HYDIN: variants seen among roughly 807,000 people sequenced by gnomAD.
The protein encoded by HYDIN is HYDIN axonemal central pair apparatus protein.
Under a neutral mutation model 403.9 loss-of-function variants are expected in HYDIN, and 132 were observed. The observed-to-expected ratio is 0.33, with a 90% CI of 0.28 to 0.38. HYDIN has a LOEUF of 0.38. Ranked by LOEUF, HYDIN falls within the 10% of genes least tolerant of loss-of-function variation. The probability of loss-of-function intolerance (pLI) is 1.00; values close to 1 mark genes in which losing one functional copy is unlikely to be tolerated. For missense variants in HYDIN, 2,827 were observed against 5,009.5 expected, an observed-to-expected ratio of 0.56 and a Z score of 13.15; for synonymous variants, 1,202 against 1,891.7, an observed-to-expected ratio of 0.64 and a Z score of 9.46.
intron 3 of HYDIN, 74 bp from the exon 4 acceptor site, chr16:71,179,121 AC>A: frequency 1.1e-5 from 13 of 1,155,168 alleles, no homozygotes; most frequent in Non-Finnish European, 1.6e-5. Context: ...AGAAAATACT[AC>A]GTAGACCTGT....
chr16:71,161,212 G>A (rs1194463855), intron 6 of HYDIN, among the ~76,000 whole-genome samples: 1 of 150,140 alleles, frequency 6.7e-6, no homozygotes, highest in African/African-American at 2.5e-5. Context: ...TCTCTTACAC[G>A]CACAGTTCAC....
intron 84 of HYDIN, among the ~76,000 whole-genome samples, chr16:70,810,558 G>A (rs1324711869): frequency 6.6e-6 from 1 of 152,216 alleles, no homozygotes; most frequent in Non-Finnish European, 1.5e-5. Flanking sequence ...GGGGCCTGGT[G>A]CGGTGGCTCA....
intron 30 of HYDIN, among the ~76,000 whole-genome samples, chr16:70,975,965 AC>A (rs1413286488): frequency 2.9e-5 from 4 of 137,846 alleles, no homozygotes; most frequent in Admixed American, 7.7e-5. Flanking sequence ...GGACCTGGGA[AC>A]CATCTCTTTG....
At position 71,169,986 on chromosome 16, in the gene HYDIN, C is replaced by T. The variant is rs1043580894; in HGVS notation, c.516+5621G>A. The stretch of plus-strand genomic sequence containing the variant: ...ATAATTATTTTTTTAAATTGTGGTT[C>T]TCTTACCAATGAGGAAAGAGAAAAT... On this transcript the variant is annotated intron_variant, in intron 5 of 85. Transcript: ENST00000393567. Among the ~76,000 whole-genome samples the T allele has an allele frequency of 1.1e-4, 17 of 152,200 alleles. No homozygotes were observed. In the South Asian group the frequency reaches 2.5e-3, roughly 22 times the overall value.
At chr16:71,188,833 G>A (rs538055955) in intron 1 of HYDIN, among the ~76,000 whole-genome samples, 18 of 152,090 alleles carry the variant, frequency 1.2e-4, no homozygotes, top group Middle Eastern at 3.4e-3. Context: ...CAAATAGAAT[G>A]GTGACAAAAA....
intron 23 of HYDIN, among the ~76,000 whole-genome samples, chr16:71,012,913 G>T (rs1445605590): frequency 1.4e-5 from 2 of 146,312 alleles, no homozygotes; most frequent in African/African-American, 2.5e-5. Context: ...TTTGGCGGGT[G>T]CCAGGAAGCT....
chr16:71,098,261 G>A (rs1170085767), intron 10 of HYDIN, among the ~76,000 whole-genome samples: 1 of 150,472 alleles, frequency 6.6e-6, no homozygotes, highest in Non-Finnish European at 1.5e-5. Flanking sequence ...GAGTGCAGTG[G>A]TGCGATCTCG....
At chr16:71,120,445 CCAAGTGACT>C (rs1472997400) in intron 9 of HYDIN, among the ~76,000 whole-genome samples, 5 of 138,148 alleles carry the variant, frequency 3.6e-5, no homozygotes, top group Non-Finnish European at 6.2e-5. Flanking sequence ...GAATAAACAA[CCAAGTGACT>C]CGATGGCCAC....
intron 85 of HYDIN, among the ~76,000 whole-genome samples, chr16:70,809,579 T>A (rs565352188): frequency 2.4e-4 from 36 of 152,350 alleles, no homozygotes; most frequent in African/African-American, 8.2e-4. Context: ...AAGTCTGTAA[T>A]GGAAGAACCC....
At chr16:71,230,105 CTG>C (rs1309325853) in intron 1 of HYDIN, among the ~76,000 whole-genome samples, 1 of 152,238 alleles carries the variant, frequency 6.6e-6, no homozygotes, top group East Asian at 1.9e-4. Context: ...CCAAGTGGAA[CTG>C]TGAGTCAATT....
chr16:71,221,766 G>A (rs1035684169), intron 1 of HYDIN, among the ~76,000 whole-genome samples: 1 of 152,200 alleles, frequency 6.6e-6, no homozygotes, highest in African/African-American at 2.4e-5. Flanking sequence ...CATTAGAGAG[G>A]TATAGAAGAA....
rs111742117 is a variant in HYDIN at position 70,982,106 on chromosome 16, C to G, written c.4333-538G>C. Among the ~76,000 whole-genome samples the G allele has an allele frequency of 5.9e-5, 8 of 135,594 alleles. No homozygotes were observed. The South Asian group carries it at 1.9e-3, about 31-fold the overall frequency. 89.0% of individuals were successfully genotyped at this position (135,594 alleles called of 152,430 possible). ...TCGCGCCACTGCACTCCAACCTGAG[C>G]GACAGAGCAAGACTCCGTCTCCAAA... On this transcript the variant is annotated intron_variant, in intron 28 of 85. Transcript: ENST00000393567.
At chr16:71,085,687 A>G (rs576138932) in intron 12 of HYDIN, among the ~76,000 whole-genome samples, 20 of 152,160 alleles carry the variant, frequency 1.3e-4, no homozygotes, top group Non-Finnish European at 2.4e-4. Flanking sequence ...TGAACTCACT[A>G]TCTTATCATT....
chr16:70,830,082 A>C (rs928477393), intron 80 of HYDIN, among the ~76,000 whole-genome samples: 1 of 152,166 alleles, frequency 6.6e-6, no homozygotes, highest in African/African-American at 2.4e-5. Flanking sequence ...CCTTGAGCTG[A>C]GATTCTACTA....
At chr16:71,158,616 C>T (rs2085875889) in intron 6 of HYDIN, among the ~76,000 whole-genome samples, 1 of 145,796 alleles carries the variant, frequency 6.9e-6, no homozygotes, top group African/African-American at 2.6e-5. Context: ...ACCATTGTAA[C>T]AGTTTTTAAT....
At chr16:70,859,003 TAGA>T (rs2039216998) in intron 71 of HYDIN, among the ~76,000 whole-genome samples, 1 of 149,588 alleles carries the variant, frequency 6.7e-6, no homozygotes, top group Non-Finnish European at 1.5e-5. Context: ...GGGCTTCACA[TAGA>T]ACTTTGGAAT....
At chr16:70,978,150 G>A (rs1305074947) in intron 30 of HYDIN, among the ~76,000 whole-genome samples, 1 of 150,790 alleles carries the variant, frequency 6.6e-6, no homozygotes, top group African/African-American at 2.4e-5. Context: ...CCAAGACCTC[G>A]CTTCTCCTCC....
At chr16:70,834,980 A>ATATATATACACACACATATATGTGTG (rs1555539569) in intron 78 of HYDIN, among the ~76,000 whole-genome samples, 8 of 128,620 alleles carry the variant, frequency 6.2e-5, no homozygotes, top group African/African-American at 2.5e-4. Flanking sequence ...ATGTGTGTAT[A>ATATATATACACACACATATATGTGTG]TATATATATA....
intron 5 of HYDIN, among the ~76,000 whole-genome samples, chr16:71,171,037 T>C (rs1247167112): frequency 6.6e-6 from 1 of 152,228 alleles, no homozygotes. Context: ...CTATCCCACT[T>C]TGCATGGCTT....
Sources: gnomAD v4.1 joint callset for allele counts (sites outside exome capture counted in the v4.1 genomes callset) on GRCh38, gnomAD v4.1.1 for gene constraint, MANE v1.5 for transcripts, NCBI Gene and HGNC (gene_info 2026-07-23, HGNC 2026-07-21) for gene names.